Variants in FAM110B observed in about 807,000 individuals in gnomAD.
FAM110B encodes protein FAM110B.
In FAM110B, 6 loss-of-function variants were observed where a neutral mutation model predicts 20.4. That is an observed-to-expected ratio of 0.29 (90% confidence interval 0.16 to 0.58). The LOEUF (loss-of-function observed/expected upper bound fraction) is 0.58, where lower values mean the gene tolerates loss of function less well. Ranked by LOEUF, FAM110B falls within the 20% of genes least tolerant of loss-of-function variation. The probability of loss-of-function intolerance (pLI) is 0.90; values close to 1 mark genes in which losing one functional copy is unlikely to be tolerated. For synonymous variants in FAM110B, 226 were observed against 214.1 expected (o/e 1.06, Z -0.49); for missense variants, 434 against 498.2 (o/e 0.87, Z 1.23).
chr8:58,112,721 A>C (rs1462302391), intron 3 of FAM110B, among the ~76,000 whole-genome samples: 1 of 152,174 alleles, frequency 6.6e-6, no homozygotes, highest in South Asian at 2.1e-4. Flanking sequence ...TGATTTTTTT[A>C]AACAATATAT....
intron 3 of FAM110B, among the ~76,000 whole-genome samples, chr8:58,099,298 C>A (rs903464155): frequency 5.3e-5 from 8 of 151,970 alleles, no homozygotes; most frequent in African/African-American, 1.9e-4. Flanking sequence ...GATGAGCACC[C>A]AAATGCCGCT....
At chr8:58,012,897 T>A (rs1804567312) in intron 1 of FAM110B, among the ~76,000 whole-genome samples, 1 of 152,166 alleles carries the variant, frequency 6.6e-6, no homozygotes, top group African/African-American at 2.4e-5. Flanking sequence ...TTCTTCCCTT[T>A]CCTGGAATCT....
chr8:58,136,357 A>G (rs1474753198), intron 3 of FAM110B, among the ~76,000 whole-genome samples: 2 of 152,102 alleles, frequency 1.3e-5, no homozygotes, highest in Non-Finnish European at 2.9e-5. Context: ...AGTCTGTAAA[A>G]AATGACAGTG....
At chr8:58,139,930 A>AAAT (rs529471589) in intron 3 of FAM110B, among the ~76,000 whole-genome samples, 4,497 of 152,046 alleles carry the variant, frequency 0.03, 119 homozygotes, top group South Asian at 0.12. Context: ...ACTCTGTTTT[A>AAAT]AATAATAATA....
Position 58,146,424 on chromosome 8 carries a change from A to G in FAM110B, c.194A>G (p.Gln65Arg). Residue 65 changes from glutamine (Q) to arginine (R), a missense_variant, in exon 4 of 4, where the codon CAG (glutamine) becomes CGG (arginine). This residue lies in a region of FAM110B where 284 missense variants were observed against 278.3 expected (regional missense o/e 1.02). Transcript: ENST00000519262. ...EADKAKYVKS[Q>R]EVINAKQEPV... Reference sequence around the variant, plus strand: ...GACAAGGCCAAGTACGTCAAGAGCCAGGAGGTGATCAACGCCAAGCAGGAG... The same window carrying G: ...GACAAGGCCAAGTACGTCAAGAGCCGGGAGGTGATCAACGCCAAGCAGGAG... The G allele has an allele frequency of 6.2e-7, 1 of 1,613,924 alleles. No individual in the cohort carries two copies. The highest frequency in any genetic ancestry group is 1.1e-5 in the South Asian group (1 of 91,078).
chr8:58,011,004 C>G (rs773487413), intron 1 of FAM110B, among the ~76,000 whole-genome samples: 17 of 152,150 alleles, frequency 1.1e-4, no homozygotes, highest in Non-Finnish European at 2.5e-4. Context: ...CAAAGAACAT[C>G]TAGCTTTGCC....
intron 3 of FAM110B, among the ~76,000 whole-genome samples, chr8:58,094,721 G>A (rs770374462): frequency 6.6e-6 from 1 of 152,154 alleles, no homozygotes; most frequent in Non-Finnish European, 1.5e-5. Context: ...TTTTTTGGTT[G>A]TGTCTCCGCC....
intron 3 of FAM110B, among the ~76,000 whole-genome samples, chr8:58,094,134 T>G (rs758670789): frequency 6.6e-6 from 1 of 152,232 alleles, no homozygotes; most frequent in African/African-American, 2.4e-5. Flanking sequence ...CTTATCATCT[T>G]AAGGAGATTT....
rs150740446 is a variant in FAM110B at position 58,146,870 on chromosome 8, G to A, written c.640G>A (p.Ala214Thr). ...GGTGACCAGCGTGAAGCCCCTCAAG[G>A]CCATCCCCTGCAGTAGCTCTGCCCC... Reference protein sequence around the residue: ...RKVTSVKPLKAIPCSSSAPPL... With the variant: ...RKVTSVKPLKTIPCSSSAPPL... Residue 214 changes from alanine (A) to threonine (T), a missense_variant, in exon 4 of 4, where the codon GCC (alanine) becomes ACC (threonine). Transcript: ENST00000519262. 2.8e-5 allele frequency: 45 copies of A among 1,614,028 alleles called. No individual in the cohort carries two copies. In the African/African-American group the frequency reaches 5.7e-4, roughly 21 times the overall value.
At chr8:58,034,157 T>C (rs1035245106) in intron 2 of FAM110B, among the ~76,000 whole-genome samples, 1 of 152,156 alleles carries the variant, frequency 6.6e-6, no homozygotes, top group African/African-American at 2.4e-5. Flanking sequence ...AGATGACCAT[T>C]GAATGGGCAT....
intron 3 of FAM110B, among the ~76,000 whole-genome samples, chr8:58,137,741 G>T (rs1206543214): frequency 6.6e-6 from 1 of 152,190 alleles, no homozygotes; most frequent in Non-Finnish European, 1.5e-5. Flanking sequence ...TCAGGGTCAA[G>T]TGTCCTGTGT....
At chr8:58,063,194 C>T (rs11781204) in intron 2 of FAM110B, among the ~76,000 whole-genome samples, 7,434 of 152,182 alleles carry the variant, frequency 0.049, 219 homozygotes, top group South Asian at 0.11. Context: ...TTAGAGGGGC[C>T]GCTCATGAAA....
intron 3 of FAM110B, among the ~76,000 whole-genome samples, chr8:58,115,000 GA>G (rs2150622392): frequency 7.4e-6 from 1 of 135,542 alleles, no homozygotes; most frequent in South Asian, 2.2e-4. Flanking sequence ...CTCTCTATTG[GA>G]AAGTTGTTTT....
chr8:58,113,977 T>C (rs73682156), intron 3 of FAM110B, among the ~76,000 whole-genome samples: 46 of 152,320 alleles, frequency 3.0e-4, no homozygotes, highest in African/African-American at 1.1e-3. Context: ...CTTTGTCCCT[T>C]TCTTTTGGTA....
chr8:58,130,905 ATGAGGCCGTTGTT>A (rs1172793389), intron 3 of FAM110B, among the ~76,000 whole-genome samples: 1 of 152,198 alleles, frequency 6.6e-6, no homozygotes, highest in Non-Finnish European at 1.5e-5. Context: ...CTCCATGACC[ATGAGGCCGTTGTT>A]TACACATCAG....
intron 1 of FAM110B, among the ~76,000 whole-genome samples, chr8:58,004,930 G>A (rs1037019787): frequency 6.6e-6 from 1 of 152,310 alleles, no homozygotes; most frequent in Middle Eastern, 3.4e-3. Context: ...CTCCCGAGAA[G>A]CGATAAGGCT....
chr8:58,006,684 C>G (rs557949809), intron 1 of FAM110B, among the ~76,000 whole-genome samples: 16 of 151,250 alleles, frequency 1.1e-4, no homozygotes, highest in African/African-American at 3.9e-4. Context: ...CTCACTGCAA[C>G]CTCTGTCTCC....
At chr8:58,023,921 G>GT (rs1227699407) in intron 1 of FAM110B, among the ~76,000 whole-genome samples, 2 of 152,126 alleles carry the variant, frequency 1.3e-5, no homozygotes, top group African/African-American at 4.8e-5. Flanking sequence ...TTAAAAAGCT[G>GT]TATTCTTTGC....
At chr8:58,137,513 T>C (rs977985407) in intron 3 of FAM110B, among the ~76,000 whole-genome samples, 4 of 152,200 alleles carry the variant, frequency 2.6e-5, no homozygotes, top group African/African-American at 9.6e-5. Context: ...TGAGCTAAGA[T>C]TGCGCCATTG....
Sources: allele counts gnomAD v4.1 joint callset (sites outside exome capture counted in the v4.1 genomes callset), GRCh38; gene constraint gnomAD v4.1.1; regional missense constraint gnomAD v4.1.1; transcripts MANE v1.5; gene names NCBI Gene and HGNC (gene_info 2026-07-23, HGNC 2026-07-21).